The following PLCXD3 variants were observed in gnomAD, a reference collection of about 807,000 sequenced individuals.
PLCXD3 encodes the protein PI-PLC X domain-containing protein 3.
PLCXD3 carries 19 observed loss-of-function variants against 25.5 expected under a neutral mutation model. The observed-to-expected ratio is 0.75, with a 90% CI of 0.52 to 1.09. The LOEUF (loss-of-function observed/expected upper bound fraction) is 1.09, where lower values mean the gene tolerates loss of function less well. Among genes scored for constraint, PLCXD3 ranks in the 50% least tolerant of loss-of-function variants. The pLI, the probability that PLCXD3 is intolerant of heterozygous loss-of-function variation, is 0.00. For missense variants in PLCXD3, 411 were observed against 388.1 expected, an observed-to-expected ratio of 1.06 and a Z score of -0.50; for synonymous variants, 174 against 137.6, an observed-to-expected ratio of 1.26 and a Z score of -1.85.
chr5:41,350,811 T>C (rs925118301), intron 2 of PLCXD3, among the ~76,000 whole-genome samples: 2 of 152,348 alleles, frequency 1.3e-5, no homozygotes, highest in Admixed American at 6.5e-5. Flanking sequence ...GTATATTGCA[T>C]AAGCAAAATC....
intron 1 of PLCXD3, among the ~76,000 whole-genome samples, chr5:41,400,292 AC>A (rs1307401764): frequency 1.3e-5 from 2 of 152,022 alleles, no homozygotes; most frequent in African/African-American, 2.4e-5. Flanking sequence ...TTCCTCAAAA[AC>A]CTAGAAATAG....
At chr5:41,432,772 G>A (rs1747148454) in intron 1 of PLCXD3, among the ~76,000 whole-genome samples, 2 of 152,132 alleles carry the variant, frequency 1.3e-5, no homozygotes, top group African/African-American at 4.8e-5. Flanking sequence ...AAAAAGTGAG[G>A]TCAACCAATC....
chr5:41,372,308 A>T lies in PLCXD3; in HGVS notation c.812+9518T>A, dbSNP rs865819940. Among the ~76,000 whole-genome samples the T allele has an allele frequency of 4.7e-3, 622 of 131,024 alleles. 4 individuals carry two copies. The highest frequency in any genetic ancestry group is 0.02 in the African/African-American group (555 of 28,206). The allele number at this position is 131,024 out of a possible 152,430, so 86.0% of individuals were successfully genotyped here. The stretch of plus-strand genomic sequence containing the variant: ...CTCTCTCTCTCTCTCTCACACACAC[A>T]CACACACACACACACACACACACAC... On this transcript the variant is annotated intron_variant, in intron 2 of 2. Transcript: ENST00000377801.
At chr5:41,483,466 G>A (rs190349141) in intron 1 of PLCXD3, among the ~76,000 whole-genome samples, 8 of 152,162 alleles carry the variant, frequency 5.3e-5, no homozygotes, top group East Asian at 1.9e-4. Flanking sequence ...AAAGGTTGTC[G>A]CTGTAAAAAT....
chr5:41,473,557 C>T (rs1259979195), intron 1 of PLCXD3, among the ~76,000 whole-genome samples: 2 of 152,118 alleles, frequency 1.3e-5, no homozygotes, highest in Non-Finnish European at 2.9e-5. Context: ...ATTCTCCTGC[C>T]TCAGCCTCCC....
chr5:41,452,090 G>A (rs1747645921), intron 1 of PLCXD3, among the ~76,000 whole-genome samples: 1 of 152,042 alleles, frequency 6.6e-6, no homozygotes, highest in Non-Finnish European at 1.5e-5. Flanking sequence ...GCTTCATGGT[G>A]AAAGCAGACT....
chr5:41,489,973 T>C (rs1188888913), intron 1 of PLCXD3, among the ~76,000 whole-genome samples: 7 of 152,046 alleles, frequency 4.6e-5, no homozygotes, highest in Non-Finnish European at 8.8e-5. Flanking sequence ...AACACTATGT[T>C]GAATAGGAGC....
At chr5:41,449,786 A>T (rs1197773747) in intron 1 of PLCXD3, among the ~76,000 whole-genome samples, 1 of 151,892 alleles carries the variant, frequency 6.6e-6, no homozygotes, top group African/African-American at 2.4e-5. Context: ...TTCTGCCCTT[A>T]CTCTCCAACC....
chr5:41,370,665 G>A (rs1253695364), intron 2 of PLCXD3, among the ~76,000 whole-genome samples: 1 of 152,088 alleles, frequency 6.6e-6, no homozygotes. Context: ...GTCAGTCTCT[G>A]AAAACTGTGT....
Position 41,396,613 on chromosome 5 carries a change from T to A in PLCXD3, c.104-14079A>T, listed in dbSNP as rs111354657. Among the ~76,000 whole-genome samples the A allele has an allele frequency of 5.2e-3, 786 of 152,106 alleles. 5 individuals carry two copies. The highest frequency in any genetic ancestry group is 0.018 in the African/African-American group (744 of 41,472). On this transcript the variant is annotated intron_variant, in intron 1 of 2. Transcript: ENST00000377801. ...CCTTAGAACTGGGTAATGGGCTGAG[T>A]TTAGAACAGTTTGGAGGCATCAGAA...
intron 1 of PLCXD3, among the ~76,000 whole-genome samples, chr5:41,457,520 T>C (rs1747779627): frequency 6.6e-6 from 1 of 152,008 alleles, no homozygotes; most frequent in Non-Finnish European, 1.5e-5. Context: ...TGCATGTAGA[T>C]GCATAGCCCA....
At chr5:41,393,797 G>T (rs1053013127) in intron 1 of PLCXD3, among the ~76,000 whole-genome samples, 2 of 152,048 alleles carry the variant, frequency 1.3e-5, no homozygotes, top group African/African-American at 4.8e-5. Flanking sequence ...GGGCATGGTG[G>T]TGGACACCTG....
chr5:41,338,836 C>T (rs1744056042), intron 2 of PLCXD3, among the ~76,000 whole-genome samples: 1 of 152,086 alleles, frequency 6.6e-6, no homozygotes, highest in South Asian at 2.1e-4. Flanking sequence ...TTGTCTTTGT[C>T]ACTCTTTTCT....
chr5:41,370,529 G>A (rs918091403), intron 2 of PLCXD3, among the ~76,000 whole-genome samples: 6 of 152,090 alleles, frequency 3.9e-5, no homozygotes, highest in Admixed American at 1.3e-4. Flanking sequence ...ATTAAATTTG[G>A]TTAGGTAGGA....
At position 41,341,945 on chromosome 5, in the gene PLCXD3, A is replaced by G. The variant is rs114516578; in HGVS notation, c.813-28175T>C. ...TCTCAAGATATGAGTCCACAGTAAG[A>G]AATTTCCACCATCTACAAGAAGGCT... On this transcript the variant is annotated intron_variant, in intron 2 of 2. Coordinates refer to ENST00000377801, the MANE Select transcript of PLCXD3 (RefSeq NM_001005473.3). Among the ~76,000 whole-genome samples the G allele has an allele frequency of 3.8e-3, 584 of 152,328 alleles. 7 individuals carry two copies. The highest frequency in any genetic ancestry group is 0.027 in the Middle Eastern group (8 of 294).
chr5:41,388,226 A>G (rs966269662), intron 1 of PLCXD3, among the ~76,000 whole-genome samples: 2 of 152,058 alleles, frequency 1.3e-5, no homozygotes, highest in African/African-American at 4.8e-5. Flanking sequence ...ACCAAATAGC[A>G]TTCCTTCATT....
intron 1 of PLCXD3, among the ~76,000 whole-genome samples, chr5:41,474,861 A>G (rs1447400102): frequency 6.6e-6 from 1 of 152,186 alleles, no homozygotes; most frequent in Non-Finnish European, 1.5e-5. Flanking sequence ...ATACCAGTGG[A>G]AATCTTAGTG....
intron 2 of PLCXD3, among the ~76,000 whole-genome samples, chr5:41,379,779 T>G (rs1745400316): frequency 6.6e-6 from 1 of 152,070 alleles, no homozygotes; most frequent in Non-Finnish European, 1.5e-5. Context: ...GCAAGTTTCA[T>G]GTCTCAGAAT....
chr5:41,321,122 C>T (rs537102541), intron 2 of PLCXD3, among the ~76,000 whole-genome samples: 9 of 152,246 alleles, frequency 5.9e-5, no homozygotes, highest in South Asian at 2.1e-4. Flanking sequence ...GAGAAAGACA[C>T]AAAATGCTTC....
Sources: allele counts gnomAD v4.1 joint callset (sites outside exome capture counted in the v4.1 genomes callset), GRCh38; gene constraint gnomAD v4.1.1; transcripts MANE v1.5; gene names NCBI Gene and HGNC (gene_info 2026-07-23, HGNC 2026-07-21).